The following TFEC variants were observed in gnomAD, a reference collection of about 807,000 sequenced individuals.
TFEC encodes the protein transcription factor EC, also known as class E basic helix-loop-helix protein 34.
Under a neutral mutation model 41.6 loss-of-function variants are expected in TFEC, and 31 were observed. The ratio of observed to expected loss-of-function variants is 0.74; its 90% confidence interval spans 0.56 to 1.01. The LOEUF (loss-of-function observed/expected upper bound fraction) is 1.01. Ranked by LOEUF, TFEC falls within the 50% of genes least tolerant of loss-of-function variation. The pLI, the probability that TFEC is intolerant of heterozygous loss-of-function variation, is 0.00. For synonymous variants in TFEC, 143 were observed against 140.6 expected, an observed-to-expected ratio of 1.02 and a Z score of -0.12; for missense variants, 402 against 404.1, an observed-to-expected ratio of 0.99 and a Z score of 0.04.
At chr7:116,094,164 C>T (rs1038714886) in intron 3 of TFEC, among the ~76,000 whole-genome samples, 6 of 152,104 alleles carry the variant, frequency 3.9e-5, no homozygotes, top group Middle Eastern at 6.3e-3. Flanking sequence ...ATCTTGATTC[C>T]TGAGTGTGAG....
At chr7:116,122,161 G>C (rs1798121321) in intron 1 of TFEC, among the ~76,000 whole-genome samples, 1 of 151,976 alleles carries the variant, frequency 6.6e-6, no homozygotes, top group Non-Finnish European at 1.5e-5. Context: ...AAAGTGTTTG[G>C]ATAGATAAGA....
intron 3 of TFEC, among the ~76,000 whole-genome samples, chr7:116,063,674 G>A (rs1796624655): frequency 6.6e-6 from 1 of 152,052 alleles, no homozygotes. Context: ...TCTTGATTGT[G>A]GTGACAGTTT....
intron 3 of TFEC, among the ~76,000 whole-genome samples, chr7:116,044,536 C>T (rs982924299): frequency 6.6e-6 from 1 of 152,190 alleles, no homozygotes; most frequent in Non-Finnish European, 1.5e-5. Context: ...AGTTTATTTT[C>T]TTTTGACTAC....
chr7:116,012,158 T>C (rs1257225377), intron 1 of TFEC, among the ~76,000 whole-genome samples: 1 of 152,202 alleles, frequency 6.6e-6, no homozygotes, highest in Non-Finnish European at 1.5e-5. Flanking sequence ...AAGGTGGAAA[T>C]GTACAAGTTA....
At chr7:116,000,191 A>T (rs1281851353) in intron 1 of TFEC, among the ~76,000 whole-genome samples, 2 of 152,162 alleles carry the variant, frequency 1.3e-5, no homozygotes, top group Non-Finnish European at 2.9e-5. Flanking sequence ...ACATCATATC[A>T]ACAGAATGAA....
intron 3 of TFEC, among the ~76,000 whole-genome samples, chr7:115,971,274 C>G (rs1279080082): frequency 6.6e-6 from 1 of 151,926 alleles, no homozygotes; most frequent in Admixed American, 6.6e-5. Flanking sequence ...AAGAAAAATA[C>G]TTCCTCTTAG....
At chr7:116,003,910 G>T (rs1257615054) in intron 1 of TFEC, among the ~76,000 whole-genome samples, 1 of 152,008 alleles carries the variant, frequency 6.6e-6, no homozygotes, top group African/African-American at 2.4e-5. Flanking sequence ...AAATCTCAAA[G>T]CAAGTTTTAA....
chr7:116,126,114 A>T (rs1172146375), intron 1 of TFEC, among the ~76,000 whole-genome samples: 1 of 152,210 alleles, frequency 6.6e-6, no homozygotes, highest in Admixed American at 6.5e-5. Context: ...GCCAAGCAGT[A>T]TAAAAATCTC....
intron 3 of TFEC, among the ~76,000 whole-genome samples, chr7:116,050,538 A>T (rs1357003482): frequency 6.6e-6 from 1 of 152,254 alleles, no homozygotes; most frequent in Non-Finnish European, 1.5e-5. Context: ...CAACAGACAC[A>T]TCAAAAAGTG....
rs1431936909 is a variant in TFEC, at chr7:116,066,021, C to T, written c.198+44687G>A. On this transcript the variant is annotated intron_variant, in intron 3 of 8. Transcript: ENST00000484212. ...ATACATCAAACAGAAATAGCTATAC[C>T]AGCAGTGGAAACAATTTAAAGTAAG... 2.0e-5 allele frequency among the ~76,000 whole-genome samples: 3 copies of T among 152,220 alleles called. No individual in the cohort carries two copies. The East Asian group carries it at 5.8e-4, about 29-fold the overall frequency.
chr7:116,129,585 AC>A (rs1219019105), intron 1 of TFEC, among the ~76,000 whole-genome samples: 148 of 132,746 alleles, frequency 1.1e-3, no homozygotes, highest in African/African-American at 4.3e-3. Flanking sequence ...CAATATTCTT[AC>A]TTTTTTTTTT....
intron 3 of TFEC, among the ~76,000 whole-genome samples, chr7:116,063,344 C>A (rs751508334): frequency 6.6e-5 from 10 of 152,022 alleles, no homozygotes; most frequent in Non-Finnish European, 1.2e-4. Flanking sequence ...TGGCTGGGCG[C>A]GGTGGCTCAC....
intron 1 of TFEC, among the ~76,000 whole-genome samples, chr7:115,992,230 A>G (rs1794152861): frequency 6.6e-6 from 1 of 152,222 alleles, no homozygotes; most frequent in Non-Finnish European, 1.5e-5. Flanking sequence ...AATTTATAGC[A>G]CTAAATGCCC....
rs543558482 is a variant in TFEC, at chr7:116,119,030, C to A, written c.-68-6992G>T. Among the ~76,000 whole-genome samples, 7 of 152,000 alleles carry A rather than the reference C, an allele frequency of 4.6e-5. No individual in the cohort carries two copies. The East Asian group carries it at 5.8e-4, about 13-fold the overall frequency. On this transcript the variant is annotated intron_variant, in intron 1 of 8. Transcript: ENST00000484212. ...GCACAAGCATTTTATTGTGGATCAT[C>A]TTTACCTGATTTTATTTCCTGAGCA... is the stretch of plus-strand genomic sequence containing the variant.
At chr7:116,041,813 CGCACAGACGCAT>C (rs1562948122) in intron 3 of TFEC, among the ~76,000 whole-genome samples, 1 of 152,164 alleles carries the variant, frequency 6.6e-6, no homozygotes, top group East Asian at 1.9e-4. Context: ...CATACCCACA[CGCACAGACGCAT>C]GCACACATGC....
At chr7:115,958,577 C>T (rs555691046) in intron 3 of TFEC, among the ~76,000 whole-genome samples, 1 of 151,956 alleles carries the variant, frequency 6.6e-6, no homozygotes, top group Non-Finnish European at 1.5e-5. Flanking sequence ...AGCCATATTA[C>T]AGATATACCG....
In TFEC at chr7:116,091,040, AC is replaced by A. The variant is rs201910291; in HGVS notation, c.198+19667del. On this transcript the variant is annotated intron_variant, in intron 3 of 8. Transcript: ENST00000484212. Reference sequence around the variant, plus strand: ...GATGACAGGTTGATGGGTGCAGCAAACCATCATGGCACATGTGTACCTATGT... The same window carrying A: ...GATGACAGGTTGATGGGTGCAGCAAACATCATGGCACATGTGTACCTATGT... Among the ~76,000 whole-genome samples the A allele has an allele frequency of 6.8e-3, 1,030 of 152,154 alleles. 14 individuals carry two copies. Among genetic ancestry groups the A allele is most frequent in the African/African-American group, 0.023 (966 of 41,514 alleles).
Position 116,012,420 on chromosome 7 carries a change from C to T in TFEC, c.-73+18213G>A, listed in dbSNP as rs1431907952. On this transcript the variant is annotated intron_variant, in intron 1 of 7. Transcript: ENST00000265440. ...CCTCAGTATAGTGACCTTTTGATAT[C>T]ATTTTCATTATGAAGTTGTGAATGT... 2.6e-5 allele frequency among the ~76,000 whole-genome samples: 4 copies of T among 152,070 alleles called. No individual in the cohort carries two copies. In the East Asian group the frequency reaches 7.7e-4, roughly 29 times the overall value.
At chr7:116,113,081 G>A (rs1175791640) in intron 1 of TFEC, among the ~76,000 whole-genome samples, 1 of 151,696 alleles carries the variant, frequency 6.6e-6, no homozygotes, top group Non-Finnish European at 1.5e-5. Context: ...AAAAGTCCTT[G>A]GTTCATATTC....
Sources: gnomAD v4.1 joint callset for allele counts (sites outside exome capture counted in the v4.1 genomes callset) on GRCh38, gnomAD v4.1.1 for gene constraint, MANE v1.5 for transcripts, NCBI Gene and HGNC (gene_info 2026-07-23, HGNC 2026-07-21) for gene names.